The following BCL7B variants were observed in gnomAD, a reference collection of about 807,000 sequenced individuals.
The protein encoded by BCL7B is B-cell CLL/lymphoma 7 protein family member B.
A neutral mutation model predicts 26.5 loss-of-function variants in BCL7B; 11 were observed. The ratio of observed to expected loss-of-function variants is 0.42; its 90% CI spans 0.26 to 0.69. The LOEUF (loss-of-function observed/expected upper bound fraction) is 0.69. Among genes scored for constraint, BCL7B ranks in the 30% least tolerant of loss-of-function variants. The probability of loss-of-function intolerance (pLI) is 0.28; values close to 1 mark genes in which losing one functional copy is unlikely to be tolerated. For synonymous variants in BCL7B, 111 were observed against 107.9 expected (o/e 1.03, Z -0.18); for missense variants, 215 against 264.4 (o/e 0.81, Z 1.30).
chr7:73,557,039 A>C, intron 1 of BCL7B: 2 of 987,430 alleles, frequency 2.0e-6, no homozygotes, highest in Non-Finnish European at 2.4e-6. Context: ...CCAGAAACTC[A>C]CCCAACTTCA....
chr7:73,540,805 G>A (rs1316708213), intron 3 of BCL7B, among the ~76,000 whole-genome samples: 4 of 117,710 alleles, frequency 3.4e-5, no homozygotes, highest in African/African-American at 1.0e-4. Context: ...ACTCCAGCCT[G>A]AGCAACAGAG....
chr7:73,550,656 T>C (rs1367582757), intron 2 of BCL7B, among the ~76,000 whole-genome samples: 17 of 147,422 alleles, frequency 1.2e-4, no homozygotes, highest in African/African-American at 3.0e-4. Flanking sequence ...TTTTTTTTTG[T>C]TTGTTTGTTT....
chr7:73,537,868 G>T, intron 5 of BCL7B, 66 bp downstream of exon 5: 1 of 1,219,486 alleles, frequency 8.2e-7, no homozygotes, highest in Non-Finnish European at 1.2e-6. Flanking sequence ...TCTAGTCTGG[G>T]CAACAGCGAG....
intron 3 of BCL7B, among the ~76,000 whole-genome samples, chr7:73,541,570 T>C (rs1027339406): frequency 2.0e-5 from 3 of 151,690 alleles, no homozygotes; most frequent in Admixed American, 2.0e-4. Context: ...TGGGTTCAAC[T>C]GATTCTCCTG....
chr7:73,557,356 C>A, intron 1 of BCL7B, 131 bp downstream of exon 1: 1 of 1,183,050 alleles, frequency 8.5e-7, no homozygotes, highest in Non-Finnish European at 1.1e-6. Context: ...CAGCGGCGCC[C>A]TCCTCCCGCC....
chr7:73,538,932 G>A (rs1373034991), intron 4 of BCL7B, among the ~76,000 whole-genome samples: 1 of 151,938 alleles, frequency 6.6e-6, no homozygotes, highest in African/African-American at 2.4e-5. Flanking sequence ...TACTAGACTG[G>A]CTATGTGATC....
At chr7:73,548,774 T>C (rs921596230) in intron 2 of BCL7B, among the ~76,000 whole-genome samples, 6 of 151,198 alleles carry the variant, frequency 4.0e-5, no homozygotes, top group Admixed American at 2.0e-4. Flanking sequence ...CTACTAAAAA[T>C]ACAAAATTAG....
chr7:73,540,838 A>G (rs1488796957), intron 3 of BCL7B, among the ~76,000 whole-genome samples: 10 of 129,744 alleles, frequency 7.7e-5, no homozygotes, highest in African/African-American at 2.5e-4. Flanking sequence ...TCAAAAAAAA[A>G]AAAAAAAAAA....
chr7:73,546,618 A>G (rs1439598312), intron 2 of BCL7B, among the ~76,000 whole-genome samples: 1 of 151,942 alleles, frequency 6.6e-6, no homozygotes, highest in Non-Finnish European at 1.5e-5. Flanking sequence ...CAGTGAGATG[A>G]GATCATGCCA....
In BCL7B at chr7:73,537,205, C is replaced by T; in HGVS notation, c.*93G>A. On this transcript the variant is annotated 3_prime_UTR_variant, in exon 6 of 6. Transcript: ENST00000223368. The stretch of plus-strand genomic sequence containing the variant: ...GGCTCATGTGTGCAGGCTCTTGACC[C>T]CAGTGCTTGCCCTTACCCCAGCAAC... 1 of 1,248,732 alleles carries T rather than the reference C, an allele frequency of 8.0e-7. No individual in the cohort carries two copies. The highest frequency in any genetic ancestry group is 2.7e-4 in the Middle Eastern group (1 of 3,766). The allele number at this position is 1,248,732 out of a possible 1,614,324, so 77.4% of individuals were successfully genotyped here. A position where few individuals can be genotyped will look rare whatever the true frequency, so the allele number is the denominator to read the frequency against.
chr7:73,538,699 A>G lies in BCL7B; in HGVS notation c.437-686T>C, dbSNP rs546426098. On this transcript the variant is annotated intron_variant, in intron 4 of 5. Coordinates refer to ENST00000223368, the MANE Select transcript of BCL7B (RefSeq NM_001707.4). ...CATGGTGGCAAAGGCTTACAGTCCT[A>G]CTACTACGGAGTCTGAGGCAAGAGG... 4.0e-5 allele frequency among the ~76,000 whole-genome samples: 6 copies of G among 151,826 alleles called. No individual in the cohort carries two copies. In the East Asian group the frequency reaches 9.7e-4, roughly 25 times the overall value.
At chr7:73,538,606 G>A (rs1791630318) in intron 4 of BCL7B, among the ~76,000 whole-genome samples, 1 of 151,938 alleles carries the variant, frequency 6.6e-6, no homozygotes, top group Non-Finnish European at 1.5e-5. Flanking sequence ...TTGAAGCCCA[G>A]GAGTTCAAGA....
At chr7:73,546,667 C>CA (rs1205952479) in intron 2 of BCL7B, among the ~76,000 whole-genome samples, 164 of 116,182 alleles carry the variant, frequency 1.4e-3, no homozygotes, top group East Asian at 7.2e-3. Flanking sequence ...GACTCTGTCT[C>CA]AAAAAAAAAA....
chr7:73,556,196 G>A (rs560171955), intron 1 of BCL7B, among the ~76,000 whole-genome samples: 10 of 152,308 alleles, frequency 6.6e-5, no homozygotes, highest in African/African-American at 2.2e-4. Flanking sequence ...GAAGCCCTCA[G>A]ACATAAAAAA....
chr7:73,539,845 C>G, intron 4 of BCL7B, 37 bp downstream of exon 4: 2 of 1,602,026 alleles, frequency 1.2e-6, no homozygotes, highest in South Asian at 1.1e-5. Flanking sequence ...AAGCAAGGCC[C>G]TTCTAGGAAA....
chr7:73,555,550 G>A lies in BCL7B; in HGVS notation c.92+1937C>T, dbSNP rs17145731. 8.6e-3 allele frequency among the ~76,000 whole-genome samples: 1,315 copies of A among 152,146 alleles called. 20 individuals carry two copies. The highest frequency in any genetic ancestry group is 0.031 in the African/African-American group (1,281 of 41,514). On this transcript the variant is annotated intron_variant, in intron 1 of 5. Coordinates refer to ENST00000223368, the MANE Select transcript of BCL7B (RefSeq NM_001707.4). ...TTTGAGCTGAGCTAGGAGTTAACTC[G>A]GCAAGAGGGAGGAGAGGAGAGAGGA...
Position 73,552,195 on chromosome 7 carries a change from T to C in BCL7B, c.140A>G (p.Lys47Arg), listed in dbSNP as rs782579682. 4 of 1,610,588 alleles carry C rather than the reference T, an allele frequency of 2.5e-6. No individual in the cohort carries two copies. The highest frequency in any genetic ancestry group is 3.4e-6 in the Non-Finnish European group (4 of 1,179,138). ...CTTGCTGTCTGTCACAGGAACCCAC[T>C]TAAATATCCTCAGGGACGTGTCACC... ...TVGDTSLRIF[K>R]WVPVTDSKEK... is the part of the protein sequence containing the mutation. Residue 47 changes from lysine to arginine, a missense_variant, in exon 2 of 6, where the codon AAG becomes AGG. Coordinates refer to ENST00000223368, the MANE Select transcript of BCL7B (RefSeq NM_001707.4).
intron 2 of BCL7B, among the ~76,000 whole-genome samples, chr7:73,545,052 CAA>C (rs371425790): frequency 3.1e-5 from 4 of 129,480 alleles, no homozygotes; most frequent in Non-Finnish European, 3.3e-5. Context: ...GACCCTAACT[CAA>C]AAAAAAAAAA....
intron 2 of BCL7B, among the ~76,000 whole-genome samples, chr7:73,544,415 A>T (rs1281825239): frequency 6.6e-6 from 1 of 151,890 alleles, no homozygotes; most frequent in Admixed American, 6.6e-5. Context: ...TCCATCTAAA[A>T]AAACATAAAA....
Sources: allele counts gnomAD v4.1 joint callset (sites outside exome capture counted in the v4.1 genomes callset), GRCh38; gene constraint gnomAD v4.1.1; transcripts MANE v1.5; gene names NCBI Gene and HGNC (gene_info 2026-07-23, HGNC 2026-07-21).